Variants in HELZ observed in about 807,000 individuals in gnomAD.
HELZ encodes helicase with zinc finger, also known as ATP-dependent RNA helicase with zinc finger domain.
A neutral mutation model predicts 218.2 loss-of-function variants in HELZ; 23 were observed. That is an observed-to-expected ratio of 0.11 (90% CI 0.08 to 0.15). HELZ has a LOEUF of 0.15. Among genes scored for constraint, HELZ ranks in the 10% least tolerant of loss-of-function variants. HELZ has a pLI of 1.00. For missense variants in HELZ, 1,813 were observed against 2,353.7 expected (o/e 0.77, Z 4.75); for synonymous variants, 814 against 829.4 (o/e 0.98, Z 0.32).
intron 24 of HELZ, among the ~76,000 whole-genome samples, chr17:67,127,893 C>T (rs1320503187): frequency 6.6e-6 from 1 of 151,262 alleles, no homozygotes; most frequent in Non-Finnish European, 1.5e-5. Context: ...AACTGACATA[C>T]TCTTTTAATT....
chr17:67,165,025 A>G (rs2039100022), intron 15 of HELZ, among the ~76,000 whole-genome samples: 1 of 152,218 alleles, frequency 6.6e-6, no homozygotes, highest in East Asian at 1.9e-4. Flanking sequence ...CTGAGAATGA[A>G]AAGAAAAGGA....
intron 3 of HELZ, among the ~76,000 whole-genome samples, chr17:67,229,500 A>G (rs1443327632): frequency 6.6e-6 from 1 of 152,182 alleles, no homozygotes; most frequent in Non-Finnish European, 1.5e-5. Context: ...ATCGTGTAAA[A>G]TGCCTTATCT....
chr17:67,179,902 T>A (rs1292206388), intron 12 of HELZ, among the ~76,000 whole-genome samples: 3 of 152,188 alleles, frequency 2.0e-5, no homozygotes, highest in African/African-American at 7.2e-5. Flanking sequence ...TCCTAAACTA[T>A]CTTTGAAATG....
rs768030069 is a variant in HELZ at position 67,178,854 on chromosome 17, G to A, written c.1235C>T (p.Thr412Ile). 6.2e-7 allele frequency: 1 copy of A among 1,612,866 alleles called. No homozygotes were observed. Among genetic ancestry groups the A allele is most frequent in the African/African-American group, 1.3e-5 (1 of 74,984 alleles). The change falls in exon 13 of 33, where the codon ACT (threonine) becomes ATT (isoleucine). Residue 412 changes from threonine (T) to isoleucine (I), a missense_variant. By Grantham distance (89) the Thr-to-Ile change is moderately conservative (BLOSUM62 -1). Transcript: ENST00000358691. ...TAKRWDSSSK[T>I]IIDFEPNETT... ...TTCATTAGGTTCAAAATCTATAATA[G>A]TCTTAGAGGAAGAATCCCAACGTTT...
At chr17:67,084,362 A>T (rs1463000281) in intron 32 of HELZ, among the ~76,000 whole-genome samples, 2 of 152,186 alleles carry the variant, frequency 1.3e-5, no homozygotes, top group Non-Finnish European at 2.9e-5. Context: ...CCTAAAACTT[A>T]GGTTAAAAAA....
chr17:67,182,373 A>C (rs1330896364), intron 12 of HELZ, among the ~76,000 whole-genome samples: 1 of 152,174 alleles, frequency 6.6e-6, no homozygotes, highest in African/African-American at 2.4e-5. Context: ...TGAACCCAGG[A>C]GGTGGAGGTT....
In HELZ at chr17:67,074,392, A is replaced by C. The variant is rs1398020730; in HGVS notation, c.*3860T>G. ...TTTAAAAATAACTCCACTATAAAACAATGCTATAGAAGGTGTCTGTTTTTA... is the reference window on the plus strand; with the variant it reads ...TTTAAAAATAACTCCACTATAAAACCATGCTATAGAAGGTGTCTGTTTTTA... On this transcript the variant is annotated 3_prime_UTR_variant, in exon 33 of 33. Coordinates refer to ENST00000358691, the MANE Select transcript of HELZ (RefSeq NM_014877.4). 1 of 152,198 alleles carries C rather than the reference A, an allele frequency of 6.6e-6. No homozygotes were observed. The highest frequency in any genetic ancestry group is 2.4e-5 in the African/African-American group (1 of 41,464). 9.4% of individuals were successfully genotyped at this position (152,198 alleles called of 1,614,324 possible).
chr17:67,211,733 C>T (rs753923531), intron 5 of HELZ, among the ~76,000 whole-genome samples: 2 of 151,532 alleles, frequency 1.3e-5, no homozygotes, highest in Admixed American at 6.6e-5. Context: ...TGGTAGCAGG[C>T]GCCTGTAATC....
intron 21 of HELZ, among the ~76,000 whole-genome samples, chr17:67,145,464 AATG>A (rs1303593306): frequency 6.6e-6 from 1 of 152,196 alleles, no homozygotes; most frequent in African/African-American, 2.4e-5. Context: ...ACCTAACAAT[AATG>A]ATCTAATTGA....
intron 26 of HELZ, 59 bp downstream of exon 26, chr17:67,122,911 C>A: frequency 7.8e-7 from 1 of 1,280,734 alleles, no homozygotes; most frequent in Non-Finnish European, 1.1e-6. Flanking sequence ...GGATTAGAAC[C>A]ATTTTAGTGA....
chr17:67,188,681 C>T lies in HELZ; in HGVS notation c.865-65G>A. On this transcript the variant is annotated intron_variant, in intron 11 of 32. Coordinates refer to ENST00000358691, the MANE Select transcript of HELZ (RefSeq NM_014877.4). This position sits in a 1 kb window ranked among gnomAD's most constrained non-coding sequence, Gnocchi z 4.1. ...TGAAAAATCCAATTGTAATTGGGCT[C>T]TTCAATGAAAATATTTCCATAAGGG... is the stretch of plus-strand genomic sequence containing the variant. 1.5e-6 allele frequency: 2 copies of T among 1,294,474 alleles called. No homozygotes were observed. The highest frequency in any genetic ancestry group is 2.3e-5 in the East Asian group (1 of 42,760). The allele number at this position is 1,294,474 out of a possible 1,614,324, so 80.2% of individuals were successfully genotyped here.
intron 32 of HELZ, among the ~76,000 whole-genome samples, chr17:67,080,312 C>T (rs1174797263): frequency 6.6e-6 from 1 of 152,202 alleles, no homozygotes; most frequent in Admixed American, 6.5e-5. Context: ...TCCTGTTCCA[C>T]TGAACCGTGT....
chr17:67,092,903 A>G (rs897172677), intron 31 of HELZ, among the ~76,000 whole-genome samples: 11 of 150,842 alleles, frequency 7.3e-5, no homozygotes, highest in East Asian at 3.9e-4. Flanking sequence ...GGGGGGGGGA[A>G]GTTGCAGTGA....
rs1398020730 is a variant in HELZ at position 67,074,392 on chromosome 17, A to G, written c.*3860T>C. On this transcript the variant is annotated 3_prime_UTR_variant, in exon 33 of 33. Transcript: ENST00000358691. ...TTTAAAAATAACTCCACTATAAAAC[A>G]ATGCTATAGAAGGTGTCTGTTTTTA... The G allele has an allele frequency of 6.6e-6, 1 of 152,198 alleles. No homozygotes were observed. The highest frequency in any genetic ancestry group is 1.9e-4 in the East Asian group (1 of 5,196). The allele number at this position is 152,198 out of a possible 1,614,324, so 9.4% of individuals were successfully genotyped here. A position where few individuals can be genotyped will look rare whatever the true frequency, so the allele number is the denominator to read the frequency against.
At chr17:67,166,769 C>T (rs79100712) in intron 14 of HELZ, among the ~76,000 whole-genome samples, 161 bp from the exon 15 acceptor site, 1,598 of 152,144 alleles carry the variant, frequency 0.011, 26 homozygotes, top group African/African-American at 0.035. Context: ...ATAATATTTG[C>T]TTTGTTCATT....
At chr17:67,089,647 TTATA>T (rs371659847) in intron 31 of HELZ, among the ~76,000 whole-genome samples, 347 of 54,302 alleles carry the variant, frequency 6.4e-3, no homozygotes, top group Non-Finnish European at 9.2e-3. Flanking sequence ...ATTGGAGATT[TTATA>T]TATATATATA....
In HELZ at chr17:67,107,370, A is replaced by G. The variant is rs1450966445; in HGVS notation, c.5040T>C (p.Asp1680=). Residue 1680 remains aspartate (D), a synonymous_variant, in exon 31 of 33, where the codon GAT becomes GAC. Transcript: ENST00000358691. ...APPPLKYLAP[D]GAWTFANLQQ... ...GCAAGTTAGCAAAAGTCCATGCTCC[A>G]TCAGGTGCCAGGTATTTCAAGGGAG... The G allele has an allele frequency of 3.1e-6, 5 of 1,614,110 alleles. No homozygotes were observed. The highest frequency in any genetic ancestry group is 4.2e-6 in the Non-Finnish European group (5 of 1,180,038).
intron 3 of HELZ, among the ~76,000 whole-genome samples, chr17:67,228,603 A>G (rs1240392994): frequency 6.6e-6 from 1 of 151,908 alleles, no homozygotes; most frequent in Non-Finnish European, 1.5e-5. Context: ...CAGAGGTTGC[A>G]GTGAGCAGAG....
chr17:67,237,263 C>T (rs888302203), intron 3 of HELZ, among the ~76,000 whole-genome samples: 11 of 152,022 alleles, frequency 7.2e-5, no homozygotes, highest in African/African-American at 9.7e-5. Flanking sequence ...CCAGCCTGGG[C>T]GACAGAGTGA....
Sources: gnomAD v4.1 joint callset for allele counts (sites outside exome capture counted in the v4.1 genomes callset) on GRCh38, gnomAD v4.1.1 for gene constraint, Gnocchi (gnomAD v3.1) non-coding constraint, MANE v1.5 for transcripts, NCBI Gene and HGNC (gene_info 2026-07-23, HGNC 2026-07-21) for gene names.